The following ADAMTS15 variants were observed in gnomAD, a reference collection of about 807,000 sequenced individuals.
The protein encoded by ADAMTS15 is A disintegrin and metalloproteinase with thrombospondin motifs 15.
ADAMTS15 carries 35 observed loss-of-function variants against 79.1 expected under a neutral mutation model. That is an observed-to-expected ratio of 0.44 (90% confidence interval 0.34 to 0.59). The LOEUF (loss-of-function observed/expected upper bound fraction) is 0.59. Among genes scored for constraint, ADAMTS15 ranks in the 20% least tolerant of loss-of-function variants. ADAMTS15 has a pLI of 0.02. For synonymous variants in ADAMTS15, 616 were observed against 567.3 expected, an observed-to-expected ratio of 1.09 and a Z score of -1.22; for missense variants, 1,324 against 1,318.7, an observed-to-expected ratio of 1.00 and a Z score of -0.06.
intron 1 of ADAMTS15, among the ~76,000 whole-genome samples, chr11:130,451,825 G>A (rs1412437000): frequency 6.6e-6 from 1 of 152,200 alleles, no homozygotes; most frequent in Non-Finnish European, 1.5e-5. Flanking sequence ...CAGCATGACA[G>A]CTTCTATTTC....
chr11:130,460,659 A>G (rs543382549), intron 1 of ADAMTS15, among the ~76,000 whole-genome samples: 3 of 152,116 alleles, frequency 2.0e-5, no homozygotes, highest in African/African-American at 7.2e-5. Flanking sequence ...AGTTATCTGA[A>G]TGTGTTTCTG....
intron 1 of ADAMTS15, chr11:130,450,222 G>A: frequency 1.0e-6 from 1 of 985,492 alleles, no homozygotes; most frequent in Non-Finnish European, 1.2e-6. Flanking sequence ...CGGAACCCAG[G>A]AAGTTGCCGC....
Position 130,474,213 on chromosome 11 carries a change from C to T in ADAMTS15, c.*392C>T, listed in dbSNP as rs997793636. ...AGAGCCATGTCCCAGCAGCTTGGCA[C>T]CCTCAGGTGGCCCCATGGGCTCTGA... On this transcript the variant is annotated 3_prime_UTR_variant, in exon 8 of 8. Coordinates refer to ENST00000299164, the MANE Select transcript of ADAMTS15 (RefSeq NM_139055.4). 9.9e-6 allele frequency: 2 copies of T among 203,042 alleles called. No homozygotes were observed. Among genetic ancestry groups the T allele is most frequent in the African/African-American group, 4.6e-5 (2 of 43,398 alleles). 12.6% of individuals were successfully genotyped at this position (203,042 alleles called of 1,614,324 possible).
At chr11:130,470,183 T>TATAC (rs1565397829) in intron 5 of ADAMTS15, among the ~76,000 whole-genome samples, 12 of 39,840 alleles carry the variant, frequency 3.0e-4, no homozygotes, top group African/African-American at 1.2e-3. Context: ...TATATATATG[T>TATAC]GTGTATATAT....
rs1937916946 is a variant in ADAMTS15 at position 130,449,569 on chromosome 11, G to A, written c.596G>A (p.Gly199Glu). 2 of 1,590,618 alleles carry A rather than the reference G, an allele frequency of 1.3e-6. No homozygotes were observed. The highest frequency in any genetic ancestry group is 8.6e-7 in the Non-Finnish European group (1 of 1,167,384). The change falls in exon 1 of 8, where the codon GGG becomes GAG. Residue 199 changes from glycine to glutamate, a missense_variant. Physicochemically the swap from Gly to Glu is moderately conservative, Grantham distance 98 (BLOSUM62 -2). Transcript: ENST00000299164. This position sits in a 1 kb window ranked among gnomAD's most constrained non-coding sequence, Gnocchi z 7.8. ...DPYKPRRAGFGESRSRRRSGR... is the reference protein window; with the variant it reads ...DPYKPRRAGFEESRSRRRSGR... Reference sequence around the variant, plus strand: ...TACAAGCCGCGGCGGGCGGGCTTCGGGGAGAGTCGTAGCCGGCGCAGGTCT... The same window carrying A: ...TACAAGCCGCGGCGGGCGGGCTTCGAGGAGAGTCGTAGCCGGCGCAGGTCT...
intron 5 of ADAMTS15, among the ~76,000 whole-genome samples, chr11:130,470,180 ATG>A (rs373539649): frequency 0.063 from 2,813 of 44,658 alleles, 233 homozygotes; most frequent in Non-Finnish European, 0.085. Context: ...ATATATATAT[ATG>A]TGTGTATATA....
chr11:130,470,154 GTATATATA>G lies in ADAMTS15; in HGVS notation c.1720+735_1721-739del, dbSNP rs869166777. ...TATACATATATATATATATATATGT[GTATATATA>G]TATATATATATATATATATGTGTGT... On this transcript the variant is annotated intron_variant, in intron 5 of 7. Coordinates refer to ENST00000299164, the MANE Select transcript of ADAMTS15 (RefSeq NM_139055.4). Among the ~76,000 whole-genome samples, 40 of 55,556 alleles carry G rather than the reference GTATATATA, an allele frequency of 7.2e-4. 1 individual carries two copies. The highest frequency in any genetic ancestry group is 3.3e-3 in the South Asian group (7 of 2,100). 36.4% of individuals were successfully genotyped at this position (55,556 alleles called of 152,430 possible).
At chr11:130,470,682 A>G (rs1176491674) in intron 5 of ADAMTS15, among the ~76,000 whole-genome samples, 1 of 152,028 alleles carries the variant, frequency 6.6e-6, no homozygotes, top group Non-Finnish European at 1.5e-5. Flanking sequence ...ACCTAGAGGG[A>G]GTTTGAGGCT....
chr11:130,462,622 A>G lies in ADAMTS15; in HGVS notation c.1384A>G (p.Met462Val), dbSNP rs1440758063. The stretch of plus-strand genomic sequence containing the variant: ...CGTGGGCTCCAAGCCCTGTCCTTAC[A>G]TGCAGTACTGCACCAAGCTGTGGTG... ...FGVGSKPCPY[M>V]QYCTKLWCTG... The change falls in exon 4 of 8, where the codon ATG becomes GTG. Residue 462 changes from methionine (M) to valine (V), a missense_variant. Transcript: ENST00000299164. This position sits in a 1 kb window ranked among gnomAD's most constrained non-coding sequence, Gnocchi z 4.3. 1.2e-6 allele frequency: 2 copies of G among 1,613,968 alleles called. No individual in the cohort carries two copies. Among genetic ancestry groups the G allele is most frequent in the Admixed American group, 1.7e-5 (1 of 60,026 alleles).
intron 1 of ADAMTS15, among the ~76,000 whole-genome samples, chr11:130,460,159 G>A (rs143351863): frequency 6.6e-6 from 1 of 152,316 alleles, no homozygotes; most frequent in East Asian, 1.9e-4. Context: ...TAAGCCTATT[G>A]TGAGGATTAA....
intron 1 of ADAMTS15, 95 bp downstream of exon 1, chr11:130,450,025 C>G: frequency 6.6e-7 from 1 of 1,524,466 alleles, no homozygotes; most frequent in Non-Finnish European, 8.8e-7. Flanking sequence ...CGTGCAATGC[C>G]TCCGAGTTTA....
chr11:130,467,616 G>A (rs1938329065), intron 4 of ADAMTS15, among the ~76,000 whole-genome samples: 1 of 152,134 alleles, frequency 6.6e-6, no homozygotes, highest in Non-Finnish European at 1.5e-5. Context: ...CGGTGGCAGA[G>A]TTTTAATTCC....
intron 4 of ADAMTS15, among the ~76,000 whole-genome samples, chr11:130,467,907 T>C (rs1359248038): frequency 6.6e-6 from 1 of 152,150 alleles, no homozygotes; most frequent in Non-Finnish European, 1.5e-5. Context: ...TGGTTCACGG[T>C]GAAACTTTCT....
intron 5 of ADAMTS15, among the ~76,000 whole-genome samples, chr11:130,470,017 G>C (rs1320993743): frequency 6.7e-6 from 1 of 149,428 alleles, no homozygotes; most frequent in Admixed American, 6.7e-5. Context: ...AGGAACCATG[G>C]ATATTTTCAC....
At position 130,471,024 on chromosome 11, in the gene ADAMTS15, G is replaced by A. The variant is rs760756603; in HGVS notation, c.1825G>A (p.Gly609Ser). 4.8e-5 allele frequency: 78 copies of A among 1,613,686 alleles called. 1 individual carries two copies. The highest frequency in any genetic ancestry group is 2.9e-4 in the South Asian group (26 of 91,084). ...LAVAWVPKYS[G>S]VSPRDKCKLI... Reference sequence around the variant, plus strand: ...CGTGGCATGGGTGCCCAAGTACTCCGGCGTGTCTCCCCGGGACAAGTGCAA... The same window carrying A: ...CGTGGCATGGGTGCCCAAGTACTCCAGCGTGTCTCCCCGGGACAAGTGCAA... Residue 609 changes from glycine to serine, a missense_variant, in exon 6 of 8, where the codon GGC (glycine) becomes AGC (serine). Transcript: ENST00000299164.
chr11:130,451,140 T>C (rs2015866669), intron 1 of ADAMTS15, among the ~76,000 whole-genome samples: 1 of 151,678 alleles, frequency 6.6e-6, no homozygotes, highest in Non-Finnish European at 1.5e-5. Context: ...TTCTTCTGAT[T>C]TGGGGGACTG....
intron 5 of ADAMTS15, among the ~76,000 whole-genome samples, chr11:130,470,580 C>A (rs1194696542): frequency 6.6e-6 from 1 of 152,028 alleles, no homozygotes; most frequent in Non-Finnish European, 1.5e-5. Flanking sequence ...CAAAATATAT[C>A]GATAGTTGTA....
Position 130,449,017 on chromosome 11 carries a change from C to T in ADAMTS15, c.44C>T (p.Thr15Ile). The T allele has an allele frequency of 6.6e-7, 1 of 1,513,340 alleles. No homozygotes were observed. Among genetic ancestry groups the T allele is most frequent in the Non-Finnish European group, 8.8e-7 (1 of 1,131,116 alleles). 93.7% of individuals were successfully genotyped at this position (1,513,340 alleles called of 1,614,324 possible). The change falls in exon 1 of 8, where the codon ACC becomes ATC. Residue 15 changes from threonine to isoleucine, a missense_variant. Coordinates refer to ENST00000299164, the MANE Select transcript of ADAMTS15 (RefSeq NM_139055.4). This position sits in a 1 kb window ranked among gnomAD's most constrained non-coding sequence, Gnocchi z 7.8. ...GILTLAFAGR[T>I]AGGSEPEREV... ...CTAACCCTGGCTTTCGCCGGGCGAA[C>T]CGCTGGAGGCTCTGAGCCAGAGCGG...
In ADAMTS15 at chr11:130,473,406, A is replaced by G; in HGVS notation, c.2438A>G (p.Lys813Arg). The change falls in exon 8 of 8, where the codon AAG becomes AGG. Residue 813 changes from lysine to arginine, a missense_variant. Transcript: ENST00000299164. Reference sequence around the variant, plus strand: ...CGGGAGGACAAGTCCTCTCATCCCAAGGACCCCCGGGGACCCTCTGTCTTG... The same window carrying G: ...CGGGAGGACAAGTCCTCTCATCCCAGGGACCCCCGGGGACCCTCTGTCTTG... Reference protein sequence around the residue: ...EPREDKSSHPKDPRGPSVLHN... With the variant: ...EPREDKSSHPRDPRGPSVLHN... 7.4e-6 allele frequency: 12 copies of G among 1,612,778 alleles called. No individual in the cohort carries two copies. The highest frequency in any genetic ancestry group is 1.0e-5 in the Non-Finnish European group (12 of 1,179,978).
Sources: allele counts gnomAD v4.1 joint callset (sites outside exome capture counted in the v4.1 genomes callset), GRCh38; gene constraint gnomAD v4.1.1; non-coding constraint Gnocchi (gnomAD v3.1); transcripts MANE v1.5; gene names NCBI Gene and HGNC (gene_info 2026-07-23, HGNC 2026-07-21).